OSBPL3: variants seen among roughly 807,000 people sequenced by gnomAD.
The protein encoded by OSBPL3 is oxysterol-binding protein-related protein 3.
Under a neutral mutation model 120.1 loss-of-function variants are expected in OSBPL3, and 65 were observed. The observed-to-expected ratio is 0.54, with a 90% confidence interval of 0.44 to 0.67. The LOEUF is 0.67. Among genes scored for constraint, OSBPL3 ranks in the 30% least tolerant of loss-of-function variants. OSBPL3 has a pLI of 0.00. For synonymous variants in OSBPL3, 416 were observed against 402.6 expected (o/e 1.03, Z -0.40); for missense variants, 1,004 against 1,082.1 (o/e 0.93, Z 1.01).
At chr7:24,926,736 T>A (rs1377397398) in intron 1 of OSBPL3, among the ~76,000 whole-genome samples, 1 of 152,222 alleles carries the variant, frequency 6.6e-6, no homozygotes, top group African/African-American at 2.4e-5. Flanking sequence ...ATACCTTGTA[T>A]ATATATTACA....
intron 1 of OSBPL3, among the ~76,000 whole-genome samples, chr7:24,905,700 G>C (rs1807801539): frequency 6.6e-6 from 1 of 152,190 alleles, no homozygotes; most frequent in South Asian, 2.1e-4. Context: ...CTCTTTGATA[G>C]GAAGAGGGCG....
chr7:24,811,877 A>G (rs78726498), intron 19 of OSBPL3, among the ~76,000 whole-genome samples: 3,801 of 152,226 alleles, frequency 0.025, 133 homozygotes, highest in African/African-American at 0.081. Context: ...TTATGCTTGG[A>G]TTTTGGCTTT....
In OSBPL3 at chr7:24,873,859, C is replaced by T. The variant is rs1802497320; in HGVS notation, c.97-1790G>A. Among the ~76,000 whole-genome samples the T allele has an allele frequency of 1.3e-5, 2 of 152,094 alleles. No homozygotes were observed. Among genetic ancestry groups the T allele is most frequent in the South Asian group, 4.1e-4 (2 of 4,826 alleles). On this transcript the variant is annotated intron_variant, in intron 2 of 22. Transcript: ENST00000313367. This position sits in a 1 kb window ranked among gnomAD's most constrained non-coding sequence, Gnocchi z 4.1. ...AAGGTTGTCAAGTTAAAAATTCCAC[C>T]TCAAATTTCACCTCCTCCAGTGGAA...
chr7:24,864,174 A>G (rs1055978616), intron 7 of OSBPL3, among the ~76,000 whole-genome samples: 2 of 152,188 alleles, frequency 1.3e-5, no homozygotes, highest in African/African-American at 4.8e-5. Context: ...TGGACCTGAG[A>G]GGACATAAGA....
chr7:24,831,275 G>C lies in OSBPL3; in HGVS notation c.1747-370C>G, dbSNP rs1028900068. On this transcript the variant is annotated intron_variant, in intron 15 of 22. Coordinates refer to ENST00000313367, the MANE Select transcript of OSBPL3 (RefSeq NM_015550.4). The surrounding 1 kb of genome is among the most constrained non-coding windows in gnomAD (Gnocchi z 4.0). ...ATATGGTGCTAAGCCTTCAGGGGTGGAGTGGGGAAAGAGTATTAAAAAAGG... is the reference window on the plus strand; with the variant it reads ...ATATGGTGCTAAGCCTTCAGGGGTGCAGTGGGGAAAGAGTATTAAAAAAGG... Among the ~76,000 whole-genome samples, 1 of 152,068 alleles carries C rather than the reference G, an allele frequency of 6.6e-6. No homozygotes were observed. The highest frequency in any genetic ancestry group is 2.4e-5 in the African/African-American group (1 of 41,402).
At chr7:24,809,756 C>A in intron 20 of OSBPL3, 51 bp downstream of exon 20, 1 of 1,582,692 alleles carries the variant, frequency 6.3e-7, no homozygotes, top group South Asian at 1.1e-5. Context: ...TTGTGTCATG[C>A]CCACCCATCC....
chr7:24,861,826 T>C, intron 9 of OSBPL3, 57 bp from the exon 10 acceptor site: 2 of 1,183,192 alleles, frequency 1.7e-6, no homozygotes, highest in South Asian at 3.2e-5. Flanking sequence ...TTAGAATATT[T>C]ACTTGATTCT....
Position 24,834,564 on chromosome 7 carries a change from C to A in OSBPL3, c.1668G>T (p.Leu556=). 1.2e-6 allele frequency: 2 copies of A among 1,614,194 alleles called. No homozygotes were observed. ...ACTCCAGCTCCTCGCAGAGCCTCTG[C>A]AGCGTGTTCAGGGGCTCGTTCAGCT... The part of the protein sequence containing the change: ...PVELNEPLNT[L]QRLCEELEYS... The change falls in exon 15 of 23, where the codon CTG becomes CTT. Residue 556 remains leucine (L), a synonymous_variant. Transcript: ENST00000313367. The surrounding 1 kb of genome is among the most constrained non-coding windows in gnomAD (Gnocchi z 5.2).
chr7:24,883,086 T>C lies in OSBPL3; in HGVS notation c.96+9291A>G, dbSNP rs1369776650. On this transcript the variant is annotated intron_variant, in intron 2 of 22. Coordinates refer to ENST00000313367, the MANE Select transcript of OSBPL3 (RefSeq NM_015550.4). This position sits in a 1 kb window ranked among gnomAD's most constrained non-coding sequence, Gnocchi z 5.4. The stretch of plus-strand genomic sequence containing the variant: ...CTTTTTAGTTTAATTAAGTAGGAAG[T>C]GAACATGTCTTTTTATGATTCAGCT... Among the ~76,000 whole-genome samples the C allele has an allele frequency of 1.3e-5, 2 of 152,172 alleles. No individual in the cohort carries two copies.
At position 24,828,633 on chromosome 7, in the gene OSBPL3, A is replaced by AAAAG. The variant is rs1554349994; in HGVS notation, c.1884+2131_1884+2134dup. 3.8e-3 allele frequency among the ~76,000 whole-genome samples: 511 copies of AAAAG among 134,602 alleles called. 13 individuals are homozygous for AAAAG. The highest frequency in any genetic ancestry group is 6.0e-3 in the Non-Finnish European group (361 of 60,510). 88.3% of individuals were successfully genotyped at this position (134,602 alleles called of 152,430 possible). A position where few individuals can be genotyped will look rare whatever the true frequency, so the allele number is the denominator to read the frequency against. On this transcript the variant is annotated intron_variant, in intron 16 of 22. Coordinates refer to ENST00000313367, the MANE Select transcript of OSBPL3 (RefSeq NM_015550.4). ...AAAAAAAAAAAAAAGAAAAAAAAAAAAAAGGCATCGTAGAAGTTCCCACTA... is the reference window on the plus strand; with the variant it reads ...AAAAAAAAAAAAAAGAAAAAAAAAAAAAAGAAAGGCATCGTAGAAGTTCCCACTA...
chr7:24,848,935 A>G (rs780888524), intron 12 of OSBPL3, 134 bp downstream of exon 12: 109 of 632,844 alleles, frequency 1.7e-4, no homozygotes, highest in Non-Finnish European at 2.6e-4. Flanking sequence ...AGCTGTGGCC[A>G]GCACCCAGAG....
intron 2 of OSBPL3, among the ~76,000 whole-genome samples, chr7:24,875,206 T>C (rs1258663589): frequency 1.3e-5 from 2 of 152,258 alleles, no homozygotes; most frequent in Non-Finnish European, 2.9e-5. Context: ...ATGGTTTTTA[T>C]ACACTCTTGG....
In OSBPL3 at chr7:24,894,636, T is replaced by C. The variant is rs957696262; in HGVS notation, c.-149-2015A>G. Among the ~76,000 whole-genome samples, 2 of 151,664 alleles carry C rather than the reference T, an allele frequency of 1.3e-5. No homozygotes were observed. Among genetic ancestry groups the C allele is most frequent in the Non-Finnish European group, 2.9e-5 (2 of 67,902 alleles). ...TGGATTAGGAATACCAGCGGAGTGT[T>C]TGTGTGTGTGTGTACAAGCTTTGCT... is the stretch of plus-strand genomic sequence containing the variant. On this transcript the variant is annotated intron_variant, in intron 1 of 22. Transcript: ENST00000313367. This position sits in a 1 kb window ranked among gnomAD's most constrained non-coding sequence, Gnocchi z 4.1.
rs1261195928 is a variant in OSBPL3 at position 24,918,890 on chromosome 7, C to T, written c.-149-26269G>A. On this transcript the variant is annotated intron_variant, in intron 1 of 22. Coordinates refer to ENST00000313367, the MANE Select transcript of OSBPL3 (RefSeq NM_015550.4). This position sits in a 1 kb window ranked among gnomAD's most constrained non-coding sequence, Gnocchi z 4.3. Reference sequence around the variant, plus strand: ...ATCCATGAGAAGGGGATAGAAAAGGCAACAGACATAAATTTTGTAACTAAC... The same window carrying T: ...ATCCATGAGAAGGGGATAGAAAAGGTAACAGACATAAATTTTGTAACTAAC... Among the ~76,000 whole-genome samples, 1 of 152,172 alleles carries T rather than the reference C, an allele frequency of 6.6e-6. No individual in the cohort carries two copies. The highest frequency in any genetic ancestry group is 6.5e-5 in the Admixed American group (1 of 15,278).
rs535799830 is a variant in OSBPL3 at position 24,946,673 on chromosome 7, C to T, written c.-150+33213G>A. Reference sequence around the variant, plus strand: ...TCCTAAGCAACAAAAGGCCACACCACCAGAGTCCTGCCATTAAGAAGGGCA... The same window carrying T: ...TCCTAAGCAACAAAAGGCCACACCATCAGAGTCCTGCCATTAAGAAGGGCA... On this transcript the variant is annotated intron_variant, in intron 1 of 22. Coordinates refer to ENST00000313367, the MANE Select transcript of OSBPL3 (RefSeq NM_015550.4). This position sits in a 1 kb window ranked among gnomAD's most constrained non-coding sequence, Gnocchi z 4.3. 6.6e-6 allele frequency among the ~76,000 whole-genome samples: 1 copy of T among 152,202 alleles called. No individual in the cohort carries two copies. Among genetic ancestry groups the T allele is most frequent in the East Asian group, 1.9e-4 (1 of 5,198 alleles).
intron 10 of OSBPL3, among the ~76,000 whole-genome samples, chr7:24,859,165 A>C (rs887369627): frequency 6.6e-6 from 1 of 152,142 alleles, no homozygotes; most frequent in African/African-American, 2.4e-5. Context: ...CTCATATCCA[A>C]CATGTTTTAA....
chr7:24,845,729 A>C (rs1345779052), intron 12 of OSBPL3, among the ~76,000 whole-genome samples: 1 of 150,980 alleles, frequency 6.6e-6, no homozygotes, highest in African/African-American at 2.4e-5. Flanking sequence ...AATTTAGAAA[A>C]TCTTCCCTAC....
intron 1 of OSBPL3, among the ~76,000 whole-genome samples, chr7:24,917,428 T>TATATATATATATATATATATA (rs1562924930): frequency 4.3e-5 from 4 of 92,268 alleles, no homozygotes; most frequent in Admixed American, 1.1e-4. Context: ...ATATATATAT[T>TATATATATATATATATATATA]TGTAACATAT....
chr7:24,961,845 G>A (rs571296016), intron 1 of OSBPL3, among the ~76,000 whole-genome samples: 8 of 152,268 alleles, frequency 5.3e-5, no homozygotes, highest in Admixed American at 3.3e-4. Context: ...AGTATAACTT[G>A]GTAAAGGACT....
Sources: allele counts gnomAD v4.1 joint callset (sites outside exome capture counted in the v4.1 genomes callset), GRCh38; gene constraint gnomAD v4.1.1; non-coding constraint Gnocchi (gnomAD v3.1); transcripts MANE v1.5; gene names NCBI Gene and HGNC (gene_info 2026-07-23, HGNC 2026-07-21).